The following SLFN14 variants were observed in gnomAD, a reference collection of about 807,000 sequenced individuals.
SLFN14 encodes schlafen family member 14, also known as protein SLFN14.
A neutral mutation model predicts 58.6 loss-of-function variants in SLFN14; 47 were observed. That is an observed-to-expected ratio of 0.80 (90% CI 0.64 to 1.02). The LOEUF (loss-of-function observed/expected upper bound fraction) is 1.02. Ranked by LOEUF, SLFN14 falls within the 50% of genes least tolerant of loss-of-function variation. The pLI, the probability that SLFN14 is intolerant of heterozygous loss-of-function variation, is 0.00. For missense variants in SLFN14, 967 were observed against 1,078.4 expected, an observed-to-expected ratio of 0.90 and a Z score of 1.45; for synonymous variants, 390 against 387.3, an observed-to-expected ratio of 1.01 and a Z score of -0.08.
rs199704952 is a variant in SLFN14, at chr17:35,552,659, T to TATAC, written c.1904+70_1904+71insGTAT. ...ATACATATATATATACACATATATA[T>TATAC]ACACATATATATACACATATATATA... On this transcript the variant is annotated intron_variant, in intron 5 of 5. Coordinates refer to ENST00000674182, the MANE Select transcript of SLFN14 (RefSeq NM_001129820.2). 299 of 516,266 alleles carry TATAC rather than the reference T, an allele frequency of 5.8e-4. 13 individuals are homozygous for TATAC. The highest frequency in any genetic ancestry group is 1.9e-3 in the Admixed American group (32 of 16,688). 32.0% of individuals were successfully genotyped at this position (516,266 alleles called of 1,614,324 possible).
Position 35,550,188 on chromosome 17 carries a change from T to C in SLFN14, c.1905-1115A>G, listed in dbSNP as rs927299413. Among the ~76,000 whole-genome samples, 46 of 152,180 alleles carry C rather than the reference T, an allele frequency of 3.0e-4. 2 individuals carry two copies. Among genetic ancestry groups the C allele is most frequent in the Non-Finnish European group, 1.5e-5 (1 of 68,032 alleles). On this transcript the variant is annotated intron_variant, in intron 5 of 5. Coordinates refer to ENST00000674182, the MANE Select transcript of SLFN14 (RefSeq NM_001129820.2). ...TTGATTCACTTCTCCTGCTGACTTC[T>C]TAACAGTGTGCCCAATGGTCTCCTT...
chr17:35,553,252 ATC>A lies in SLFN14; in HGVS notation c.1380_1381del (p.Ile461SerfsTer3). ...GAGTACCACGGGGCTGTTAACTGCT[ATC>A]AGGAGAGCATCACACAGGACATTCT... is the stretch of plus-strand genomic sequence containing the variant. On this transcript the variant is annotated frameshift_variant, in exon 5 of 6. Transcript: ENST00000674182. LOFTEE classifies it high-confidence loss of function. The A allele has an allele frequency of 1.9e-6, 3 of 1,551,682 alleles. No homozygotes were observed. Among genetic ancestry groups the A allele is most frequent in the Non-Finnish European group, 1.7e-6 (2 of 1,146,996 alleles).
At position 35,552,140 on chromosome 17, in the gene SLFN14, A is replaced by T. The variant is rs2072595426; in HGVS notation, c.1904+590T>A. Among the ~76,000 whole-genome samples the T allele has an allele frequency of 3.3e-5, 5 of 152,164 alleles. No individual in the cohort carries two copies. In the South Asian group the frequency reaches 1.0e-3, roughly 31 times the overall value. On this transcript the variant is annotated intron_variant, in intron 5 of 5. Transcript: ENST00000674182. Reference sequence around the variant, plus strand: ...CCATGCTCCAATGTTAATGACATCAAAGGCACCCCTCCCGAGGAAATCTCA... The same window carrying T: ...CCATGCTCCAATGTTAATGACATCATAGGCACCCCTCCCGAGGAAATCTCA...
chr17:35,553,996 G>C (rs1401770917), intron 4 of SLFN14, among the ~76,000 whole-genome samples: 1 of 152,138 alleles, frequency 6.6e-6, no homozygotes, highest in Non-Finnish European at 1.5e-5. Context: ...GTAGGTACCA[G>C]ATAGGAATGC....
At chr17:35,550,457 A>T (rs1433324885) in intron 5 of SLFN14, among the ~76,000 whole-genome samples, 1 of 152,240 alleles carries the variant, frequency 6.6e-6, no homozygotes, top group Non-Finnish European at 1.5e-5. Flanking sequence ...GAGGCAAGAG[A>T]ATCACTTGAA....
At chr17:35,551,935 T>C (rs538166926) in intron 5 of SLFN14, among the ~76,000 whole-genome samples, 2 of 152,352 alleles carry the variant, frequency 1.3e-5, no homozygotes, top group East Asian at 3.9e-4. Flanking sequence ...ATATTGTTAC[T>C]CCTCTTTGGA....
In SLFN14 at chr17:35,553,056, G is replaced by C. The variant is rs1210456676; in HGVS notation, c.1578C>G (p.Pro526=). 2.6e-6 allele frequency: 4 copies of C among 1,551,540 alleles called. No homozygotes were observed. The South Asian group carries it at 4.8e-5, about 18-fold the overall frequency. ...GCCTGTAGGACCTGGGGTAACGCAG[G>C]GGGATCTCACCAGGTCTACTCTGTG... ...SSTQSRPGEI[P]LRYPRSYRLA... Residue 526 remains proline (P), a synonymous_variant, in exon 5 of 6, where the codon CCC becomes CCG. Transcript: ENST00000674182.
Position 35,553,136 on chromosome 17 carries a change from C to T in SLFN14, c.1498G>A (p.Gly500Ser). 1 of 1,551,648 alleles carries T rather than the reference C, an allele frequency of 6.4e-7. No homozygotes were observed. ...HQLKQKLQTV[G>S]GYTGKVCIIP... ...ATGCACACTTTCCCTGTGTAACCAC[C>T]AACAGTTTGCAGTTTCTGCTTTAAC... Residue 500 changes from glycine to serine, a missense_variant, in exon 5 of 6, where the codon GGT becomes AGT. By Grantham distance (56) the Gly-to-Ser change is moderately conservative. Coordinates refer to ENST00000674182, the MANE Select transcript of SLFN14 (RefSeq NM_001129820.2).
Position 35,557,304 on chromosome 17 carries a change from T to C in SLFN14, c.759A>G (p.Glu253=). The C allele has an allele frequency of 6.4e-7, 1 of 1,551,720 alleles. No individual in the cohort carries two copies. The highest frequency in any genetic ancestry group is 8.7e-7 in the Non-Finnish European group (1 of 1,146,976). Residue 253 remains glutamate (E), a synonymous_variant, in exon 3 of 6, where the codon GAA becomes GAG. Coordinates refer to ENST00000674182, the MANE Select transcript of SLFN14 (RefSeq NM_001129820.2). Reference sequence around the variant, plus strand: ...CTTTTTCCCACTTACATCCAACCACTTCTTTGCTCTTATCATCCACCCCAA... The same window carrying C: ...CTTTTTCCCACTTACATCCAACCACCTCTTTGCTCTTATCATCCACCCCAA... The part of the protein sequence containing the change: ...VLIGVDDKSK[E]VVGCKWEKVN...
chr17:35,560,044 G>C (rs1047393283), intron 1 of SLFN14, among the ~76,000 whole-genome samples: 1 of 152,122 alleles, frequency 6.6e-6, no homozygotes, highest in Admixed American at 6.5e-5. Context: ...CAAACCTCCA[G>C]CAATGAGCAA....
At position 35,555,537 on chromosome 17, in the gene SLFN14, G is replaced by T. The variant is rs2072644237; in HGVS notation, c.1061-833C>A. On this transcript the variant is annotated intron_variant, in intron 3 of 5. Coordinates refer to ENST00000674182, the MANE Select transcript of SLFN14 (RefSeq NM_001129820.2). ...GCTGCACTCCAGCCTAGGCGACAAAGCAAGACCCTGTCTCAAAAAAAAAAA... is the reference window on the plus strand; with the variant it reads ...GCTGCACTCCAGCCTAGGCGACAAATCAAGACCCTGTCTCAAAAAAAAAAA... Among the ~76,000 whole-genome samples, 5 of 131,246 alleles carry T rather than the reference G, an allele frequency of 3.8e-5. No homozygotes were observed. The South Asian group carries it at 1.2e-3, about 32-fold the overall frequency. The allele number at this position is 131,246 out of a possible 152,430, so 86.1% of individuals were successfully genotyped here.
In SLFN14 at chr17:35,544,623, G is replaced by A. The variant is rs992980266; in HGVS notation, c.*3616C>T. ...AGCTCACTGCAACCTCCACCTCCCAGGTTCAAGCAATTCTCCTGCCTCAGC... is the reference window on the plus strand; with the variant it reads ...AGCTCACTGCAACCTCCACCTCCCAAGTTCAAGCAATTCTCCTGCCTCAGC... On this transcript the variant is annotated 3_prime_UTR_variant, in exon 6 of 6. Coordinates refer to ENST00000674182, the MANE Select transcript of SLFN14 (RefSeq NM_001129820.2). Among the ~76,000 whole-genome samples, 5 of 150,946 alleles carry A rather than the reference G, an allele frequency of 3.3e-5. No homozygotes were observed. The highest frequency in any genetic ancestry group is 1.2e-4 in the African/African-American group (5 of 40,860).
chr17:35,553,592 T>A, intron 4 of SLFN14, 148 bp from the exon 5 acceptor site: 1 of 690,108 alleles, frequency 1.4e-6, no homozygotes, highest in Non-Finnish European at 2.4e-6. Context: ...GGAGCAGTTT[T>A]ACTCCCCAAC....
chr17:35,544,096 A>C lies in SLFN14; in HGVS notation c.*4143T>G, dbSNP rs898429979. On this transcript the variant is annotated 3_prime_UTR_variant, in exon 6 of 6. Transcript: ENST00000674182. ...TGGCTCCAGGCCATGAGTTGAGTTC[A>C]AGTTGGATTCACATATCTCAGTGGC... 1.3e-5 allele frequency among the ~76,000 whole-genome samples: 2 copies of C among 152,224 alleles called. No homozygotes were observed. The highest frequency in any genetic ancestry group is 4.8e-5 in the African/African-American group (2 of 41,452).
chr17:35,551,742 T>C (rs1213487426), intron 5 of SLFN14, among the ~76,000 whole-genome samples: 1 of 152,170 alleles, frequency 6.6e-6, no homozygotes, highest in Non-Finnish European at 1.5e-5. Flanking sequence ...GGGGAACCTG[T>C]TTATTTTTAG....
At chr17:35,555,371 CAA>C (rs58849511) in intron 3 of SLFN14, among the ~76,000 whole-genome samples, 118 of 129,992 alleles carry the variant, frequency 9.1e-4, no homozygotes, top group Admixed American at 1.4e-3. Context: ...GACTCCGTCT[CAA>C]AAAAAAAAAA....
In SLFN14 at chr17:35,553,278, C is replaced by T. The variant is rs572233110; in HGVS notation, c.1356G>A (p.Gln452=). The T allele has an allele frequency of 1.8e-5, 28 of 1,551,686 alleles. No individual in the cohort carries two copies. The South Asian group carries it at 2.7e-4, about 15-fold the overall frequency. ...TCAGGAGAGCATCACACAGGACATT[C>T]TGTTCTTTCCTGAAGCCAACATCAC... ...WAGDVGFRKE[Q]NVLCDALLIA... The change falls in exon 5 of 6, where the codon CAG becomes CAA. Residue 452 remains glutamine (Q), a synonymous_variant. Coordinates refer to ENST00000674182, the MANE Select transcript of SLFN14 (RefSeq NM_001129820.2).
intron 5 of SLFN14, among the ~76,000 whole-genome samples, chr17:35,552,191 A>G (rs749220555): frequency 3.4e-4 from 52 of 152,118 alleles, no homozygotes; most frequent in Admixed American, 2.0e-4. Context: ...CTACGCCCCA[A>G]TTCAGCAGGA....
Position 35,552,928 on chromosome 17 carries a change from T to C in SLFN14, c.1706A>G (p.Asn569Ser), listed in dbSNP as rs1390456509. ...LSDQMGCEFFNLLIMEQSQLL... is the reference protein window; with the variant it reads ...LSDQMGCEFFSLLIMEQSQLL... Reference sequence around the variant, plus strand: ...CTGGCTCTGCTCCATTATGAGCAAGTTGAAAAATTCACAGCCCATCTGGTC... The same window carrying C: ...CTGGCTCTGCTCCATTATGAGCAAGCTGAAAAATTCACAGCCCATCTGGTC... Residue 569 changes from asparagine (N) to serine (S), a missense_variant, in exon 5 of 6, where the codon AAC becomes AGC. By Grantham distance (46) the Asn-to-Ser change is conservative. Coordinates refer to ENST00000674182, the MANE Select transcript of SLFN14 (RefSeq NM_001129820.2). The C allele has an allele frequency of 3.2e-6, 5 of 1,551,558 alleles. No individual in the cohort carries two copies. Among genetic ancestry groups the C allele is most frequent in the Admixed American group, 2.0e-5 (1 of 50,980 alleles).
Sources: allele counts gnomAD v4.1 joint callset (sites outside exome capture counted in the v4.1 genomes callset), GRCh38; gene constraint gnomAD v4.1.1; transcripts MANE v1.5; gene names NCBI Gene and HGNC (gene_info 2026-07-23, HGNC 2026-07-21).